CSMD3: variants seen among roughly 807,000 people sequenced by gnomAD.
The protein encoded by CSMD3 is CUB and sushi domain-containing protein 3.
CSMD3 carries 177 observed loss-of-function variants against 435.2 expected under a neutral mutation model. The observed-to-expected ratio is 0.41, with a 90% confidence interval of 0.36 to 0.46. The LOEUF is 0.46. CSMD3 is among the 20% of genes least tolerant of loss of function. The pLI is 0.34. For missense variants in CSMD3, 4,265 were observed against 4,504.6 expected, an observed-to-expected ratio of 0.95 and a Z score of 1.52; for synonymous variants, 1,656 against 1,520.5, an observed-to-expected ratio of 1.09 and a Z score of -2.07.
chr8:112,718,432 G>A (rs1416245567), intron 13 of CSMD3, among the ~76,000 whole-genome samples: 1 of 151,422 alleles, frequency 6.6e-6, no homozygotes, highest in African/African-American at 2.4e-5. Context: ...ACTTTGATAG[G>A]CAAAGCTTGA....
chr8:112,315,960 T>G (rs551702363), intron 47 of CSMD3, among the ~76,000 whole-genome samples: 1 of 151,970 alleles, frequency 6.6e-6, no homozygotes, highest in East Asian at 1.9e-4. Flanking sequence ...ATGAAGAACT[T>G]ATATATTCAT....
At chr8:112,720,619 C>T (rs2076836758) in intron 13 of CSMD3, among the ~76,000 whole-genome samples, 1 of 152,098 alleles carries the variant, frequency 6.6e-6, no homozygotes, top group Non-Finnish European at 1.5e-5. Flanking sequence ...GAGATGGTGA[C>T]ACTCTGAACC....
At chr8:112,780,147 G>A (rs535224488) in intron 13 of CSMD3, among the ~76,000 whole-genome samples, 49 of 152,032 alleles carry the variant, frequency 3.2e-4, no homozygotes, top group Non-Finnish European at 5.4e-4. Flanking sequence ...ATACAGTAAC[G>A]CAAATGTATT....
chr8:112,260,284 GA>G (rs1816253955), intron 61 of CSMD3, among the ~76,000 whole-genome samples: 2 of 152,096 alleles, frequency 1.3e-5, no homozygotes, highest in South Asian at 4.2e-4. Context: ...CTAGCGGTAT[GA>G]CCTTAGGCCT....
intron 16 of CSMD3, among the ~76,000 whole-genome samples, chr8:112,667,677 T>A (rs56859083): frequency 0.33 from 50,782 of 151,936 alleles, 9,380 homozygotes; most frequent in African/African-American, 0.5. Context: ...CCCAGCTACA[T>A]TAGCCTGCTC....
At chr8:112,391,975 C>T (rs1440446429) in intron 35 of CSMD3, among the ~76,000 whole-genome samples, 2 of 152,100 alleles carry the variant, frequency 1.3e-5, no homozygotes, top group African/African-American at 2.4e-5. Flanking sequence ...GTGACTTTGA[C>T]CTGTTCTTTA....
intron 6 of CSMD3, among the ~76,000 whole-genome samples, chr8:112,990,779 ACAAGCCATGAGAACC>A (rs2085428095): frequency 6.6e-6 from 1 of 151,882 alleles, no homozygotes; most frequent in African/African-American, 2.4e-5. Flanking sequence ...AGATTATGAC[ACAAGCCATGAGAACC>A]CATATGGACT....
At chr8:112,767,453 T>C (rs1044957228) in intron 13 of CSMD3, among the ~76,000 whole-genome samples, 3 of 151,818 alleles carry the variant, frequency 2.0e-5, no homozygotes, top group Admixed American at 6.6e-5. Context: ...TGAAACCATA[T>C]GGCCTGGAAC....
chr8:112,823,100 G>T (rs231297), intron 12 of CSMD3, among the ~76,000 whole-genome samples: 44,352 of 151,910 alleles, frequency 0.29, 6,734 homozygotes, highest in Non-Finnish European at 0.32. Flanking sequence ...GTTTTCTTTT[G>T]TTGTTGTGTC....
At chr8:112,961,657 A>C (rs552084689) in intron 7 of CSMD3, among the ~76,000 whole-genome samples, 99 of 152,030 alleles carry the variant, frequency 6.5e-4, no homozygotes, top group Admixed American at 1.6e-3. Context: ...TAATTTGTTA[A>C]TTTTCATAGG....
In CSMD3 at chr8:112,904,292, T is replaced by A. The variant is rs189531087; in HGVS notation, c.1633+17335A>T. On this transcript the variant is annotated intron_variant, in intron 10 of 70. Coordinates refer to ENST00000297405, the MANE Select transcript of CSMD3 (RefSeq NM_198123.2). ...AGACAGTGAATGTTAAAAGTTCTTA[T>A]CACAAAATAATGTTAGATAATACAT... 9.6e-4 allele frequency among the ~76,000 whole-genome samples: 145 copies of A among 151,592 alleles called. 1 individual carries two copies. The highest frequency in any genetic ancestry group is 4.1e-4 in the Non-Finnish European group (28 of 67,688).
At chr8:113,239,953 T>C (rs1356957295) in intron 3 of CSMD3, among the ~76,000 whole-genome samples, 1 of 152,084 alleles carries the variant, frequency 6.6e-6, no homozygotes, top group Non-Finnish European at 1.5e-5. Flanking sequence ...TCATCACCCA[T>C]ATATCAAGCC....
intron 4 of CSMD3, among the ~76,000 whole-genome samples, chr8:113,111,743 G>T (rs1045194832): frequency 6.6e-6 from 1 of 152,076 alleles, no homozygotes. Flanking sequence ...GTACAGAGGT[G>T]TGATCTCAGC....
At chr8:112,618,120 A>G (rs905799691) in intron 22 of CSMD3, among the ~76,000 whole-genome samples, 1 of 152,144 alleles carries the variant, frequency 6.6e-6, no homozygotes, top group Non-Finnish European at 1.5e-5. Context: ...GGTTAAAATA[A>G]AATCACCTAA....
intron 27 of CSMD3, among the ~76,000 whole-genome samples, chr8:112,536,323 C>A (rs539710928): frequency 1.3e-5 from 2 of 152,238 alleles, no homozygotes; most frequent in South Asian, 2.1e-4. Context: ...AACAAATTTA[C>A]AAGAAAAACT....
intron 13 of CSMD3, among the ~76,000 whole-genome samples, chr8:112,740,018 G>T (rs1315580954): frequency 6.6e-6 from 1 of 151,672 alleles, no homozygotes; most frequent in Non-Finnish European, 1.5e-5. Flanking sequence ...TGCTAATGCT[G>T]ATATCAATGG....
intron 5 of CSMD3, among the ~76,000 whole-genome samples, chr8:113,045,115 T>C (rs2087774043): frequency 1.3e-5 from 2 of 148,866 alleles, no homozygotes; most frequent in Admixed American, 1.3e-4. Context: ...TCCTTAAGGG[T>C]AGAGAAAAAA....
chr8:112,435,822 T>G (rs1246609701), intron 32 of CSMD3, among the ~76,000 whole-genome samples: 2 of 152,036 alleles, frequency 1.3e-5, no homozygotes, highest in East Asian at 3.8e-4. Context: ...CTCTCTGTAT[T>G]TTTTCACTGA....
intron 32 of CSMD3, among the ~76,000 whole-genome samples, chr8:112,445,543 A>G (rs1815508336): frequency 6.6e-6 from 1 of 152,142 alleles, no homozygotes; most frequent in African/African-American, 2.4e-5. Flanking sequence ...ACCAGCTATC[A>G]CATGAACTCA....
Sources: allele counts gnomAD v4.1 joint callset (sites outside exome capture counted in the v4.1 genomes callset), GRCh38; gene constraint gnomAD v4.1.1; transcripts MANE v1.5; gene names NCBI Gene and HGNC (gene_info 2026-07-23, HGNC 2026-07-21).